The following MOB3B variants were observed in gnomAD, a reference collection of about 807,000 sequenced individuals.
MOB3B encodes MOB kinase activator 3B.
MOB3B carries 7 observed loss-of-function variants against 18.7 expected under a neutral mutation model. The ratio of observed to expected loss-of-function variants is 0.37; its 90% CI spans 0.21 to 0.70. The LOEUF (loss-of-function observed/expected upper bound fraction) is 0.70. MOB3B is among the 30% of genes least tolerant of loss of function. The pLI is 0.52. For synonymous variants in MOB3B, 111 were observed against 99.9 expected (o/e 1.11, Z -0.66); for missense variants, 253 against 281.3 (o/e 0.90, Z 0.72).
chr9:27,471,089 T>G (rs911544928), intron 1 of MOB3B, among the ~76,000 whole-genome samples: 14 of 152,084 alleles, frequency 9.2e-5, no homozygotes, highest in Non-Finnish European at 1.9e-4. Flanking sequence ...AAGACCAAGA[T>G]CACTTGCACC....
At chr9:27,334,164 G>A (rs559492824) in intron 3 of MOB3B, among the ~76,000 whole-genome samples, 61 of 152,084 alleles carry the variant, frequency 4.0e-4, no homozygotes, top group Non-Finnish European at 8.4e-4. Context: ...TATTCAAATT[G>A]TATAACAGGA....
At chr9:27,520,165 A>T (rs1820302551) in intron 1 of MOB3B, among the ~76,000 whole-genome samples, 1 of 152,228 alleles carries the variant, frequency 6.6e-6, no homozygotes, top group Non-Finnish European at 1.5e-5. Flanking sequence ...AATGCCCCTC[A>T]GCTGAATCAC....
intron 1 of MOB3B, 141 bp from the exon 2 acceptor site, chr9:27,455,889 G>A (rs1364741017): frequency 6.8e-6 from 5 of 730,056 alleles, no homozygotes; most frequent in Non-Finnish European, 9.6e-6. Flanking sequence ...TTAAGCCACT[G>A]CCCTGTGACT....
intron 2 of MOB3B, among the ~76,000 whole-genome samples, chr9:27,426,877 C>A (rs932664681): frequency 7.2e-5 from 11 of 152,204 alleles, no homozygotes; most frequent in Admixed American, 6.5e-4. Flanking sequence ...TCTCAGAGTT[C>A]ATGACAAGTA....
At chr9:27,375,852 T>C (rs1263885730) in intron 2 of MOB3B, among the ~76,000 whole-genome samples, 1 of 152,206 alleles carries the variant, frequency 6.6e-6, no homozygotes, top group East Asian at 1.9e-4. Flanking sequence ...TGAAAAAACT[T>C]CTAATCTACA....
rs902919480 is a variant in MOB3B, at chr9:27,327,455, G to C, written c.*3132C>G. Reference sequence around the variant, plus strand: ...GGAAAAAAAATGTAACCTGTATCTCGTAATGAGGAAACAATCAGTAAAAAA... The same window carrying C: ...GGAAAAAAAATGTAACCTGTATCTCCTAATGAGGAAACAATCAGTAAAAAA... On this transcript the variant is annotated 3_prime_UTR_variant, in exon 4 of 4. Coordinates refer to ENST00000262244, the MANE Select transcript of MOB3B (RefSeq NM_024761.5). 1 of 151,976 alleles carries C rather than the reference G, an allele frequency of 6.6e-6. No homozygotes were observed. The highest frequency in any genetic ancestry group is 1.5e-5 in the Non-Finnish European group (1 of 68,016). 9.4% of individuals were successfully genotyped at this position (151,976 alleles called of 1,614,324 possible). A position where few individuals can be genotyped will look rare whatever the true frequency, so the allele number is the denominator to read the frequency against.
At chr9:27,354,290 GTTTTCCTAGGACATGAGAA>G (rs747828355) in intron 3 of MOB3B, among the ~76,000 whole-genome samples, 14 of 152,232 alleles carry the variant, frequency 9.2e-5, no homozygotes, top group Non-Finnish European at 1.9e-4. Flanking sequence ...GACACCAAGA[GTTTTCCTAGGACATGAGAA>G]TTTCACTGCT....
intron 1 of MOB3B, among the ~76,000 whole-genome samples, chr9:27,479,338 CCATT>C (rs1212203194): frequency 1.3e-5 from 2 of 152,180 alleles, no homozygotes; most frequent in African/African-American, 2.4e-5. Context: ...TGGCATTAAT[CCATT>C]CATGAGGGCA....
At chr9:27,413,266 T>A (rs1822100148) in intron 2 of MOB3B, among the ~76,000 whole-genome samples, 1 of 152,096 alleles carries the variant, frequency 6.6e-6, no homozygotes, top group Non-Finnish European at 1.5e-5. Flanking sequence ...AGGAGTCTTA[T>A]TTTTGGAAGG....
intron 2 of MOB3B, among the ~76,000 whole-genome samples, chr9:27,416,106 A>G (rs1822143147): frequency 6.6e-6 from 1 of 152,232 alleles, no homozygotes; most frequent in Non-Finnish European, 1.5e-5. Context: ...TTCCTGATTG[A>G]TAAAATGATT....
At chr9:27,509,370 G>A (rs1820107846) in intron 1 of MOB3B, among the ~76,000 whole-genome samples, 1 of 152,056 alleles carries the variant, frequency 6.6e-6, no homozygotes, top group African/African-American at 2.4e-5. Flanking sequence ...CAAATTTAAA[G>A]AAGCATGAAA....
At chr9:27,457,436 AG>A (rs781148355) in intron 1 of MOB3B, among the ~76,000 whole-genome samples, 7 of 152,212 alleles carry the variant, frequency 4.6e-5, no homozygotes, top group Non-Finnish European at 1.0e-4. Flanking sequence ...CCTGCCTGTA[AG>A]GGGTTCTGCC....
At chr9:27,528,906 C>T (rs934175540) in intron 1 of MOB3B, among the ~76,000 whole-genome samples, 2 of 152,142 alleles carry the variant, frequency 1.3e-5, no homozygotes, top group African/African-American at 4.8e-5. Flanking sequence ...GGGTTTTCAC[C>T]TTCTTCCCCA....
At chr9:27,493,640 CA>C (rs968701198) in intron 1 of MOB3B, among the ~76,000 whole-genome samples, 1,630 of 145,300 alleles carry the variant, frequency 0.011, 32 homozygotes, top group African/African-American at 0.037. Context: ...GACTCCATCT[CA>C]AAAAAAAAAA....
chr9:27,360,750 C>T lies in MOB3B; in HGVS notation c.419-1514G>A, dbSNP rs4378053. On this transcript the variant is annotated intron_variant, in intron 2 of 3. Coordinates refer to ENST00000262244, the MANE Select transcript of MOB3B (RefSeq NM_024761.5). ...GATGAGAAGGAACATGTCTGGCAGG[C>T]GGCAGTGACAAGATCTGCTTCCCTT... 6.6e-3 allele frequency among the ~76,000 whole-genome samples: 1,010 copies of T among 152,266 alleles called. 32 individuals are homozygous for T. Among genetic ancestry groups the T allele is most frequent in the Admixed American group, 0.049 (749 of 15,290 alleles).
At chr9:27,409,549 A>G (rs1255736789) in intron 2 of MOB3B, among the ~76,000 whole-genome samples, 1 of 152,176 alleles carries the variant, frequency 6.6e-6, no homozygotes, top group Admixed American at 6.5e-5. Context: ...TAAACATAGA[A>G]TTATCATATG....
At chr9:27,390,748 C>G (rs971606949) in intron 2 of MOB3B, among the ~76,000 whole-genome samples, 12 of 152,088 alleles carry the variant, frequency 7.9e-5, no homozygotes, top group African/African-American at 2.9e-4. Context: ...TTGAGTCCCC[C>G]CAAAATTTGT....
At chr9:27,401,284 A>G (rs916347637) in intron 2 of MOB3B, among the ~76,000 whole-genome samples, 1 of 152,136 alleles carries the variant, frequency 6.6e-6, no homozygotes, top group African/African-American at 2.4e-5. Flanking sequence ...CTCAGCCTGG[A>G]CCCTGTGACT....
At chr9:27,408,793 T>A (rs899482281) in intron 2 of MOB3B, among the ~76,000 whole-genome samples, 2 of 152,136 alleles carry the variant, frequency 1.3e-5, no homozygotes, top group African/African-American at 4.8e-5. Context: ...GCTTAATGGA[T>A]TTTGCAGTAT....
Sources: allele counts gnomAD v4.1 joint callset (sites outside exome capture counted in the v4.1 genomes callset), GRCh38; gene constraint gnomAD v4.1.1; transcripts MANE v1.5; gene names NCBI Gene and HGNC (gene_info 2026-07-23, HGNC 2026-07-21).